The following KCNQ5 variants were observed in gnomAD, a reference collection of about 807,000 sequenced individuals.
KCNQ5 encodes potassium voltage-gated channel subfamily KQT member 5.
In KCNQ5, 30 loss-of-function variants were observed where a neutral mutation model predicts 98.2. The observed-to-expected ratio is 0.31, with a 90% CI of 0.23 to 0.41. KCNQ5 has a LOEUF of 0.41. KCNQ5 is among the 10% of genes least tolerant of loss of function. The pLI, the probability that KCNQ5 is intolerant of heterozygous loss-of-function variation, is 1.00. For synonymous variants in KCNQ5, 458 were observed against 449.4 expected (o/e 1.02, Z -0.24); for missense variants, 835 against 1,182.5 (o/e 0.71, Z 4.31).
chr6:72,661,513 A>ATT (rs1030884668), intron 1 of KCNQ5, among the ~76,000 whole-genome samples: 1 of 151,866 alleles, frequency 6.6e-6, no homozygotes, highest in Non-Finnish European at 1.5e-5. Flanking sequence ...TACATAGAAG[A>ATT]TTTTTTTTCC....
chr6:72,821,924 AG>A (rs1426266060), intron 1 of KCNQ5, among the ~76,000 whole-genome samples: 1 of 152,024 alleles, frequency 6.6e-6, no homozygotes, highest in African/African-American at 2.4e-5. Flanking sequence ...ACCAGGATCA[AG>A]GAGTTCGATC....
chr6:73,051,705 C>CAAAAAAAAAAAAAA (rs201199934), intron 3 of KCNQ5, among the ~76,000 whole-genome samples: 4 of 97,176 alleles, frequency 4.1e-5, no homozygotes, highest in African/African-American at 1.2e-4. Flanking sequence ...AAGATAGAGG[C>CAAAAAAAAAAAAAA]AAAAAAAAAA....
chr6:72,736,331 G>T (rs1770830571), intron 1 of KCNQ5, among the ~76,000 whole-genome samples: 1 of 151,856 alleles, frequency 6.6e-6, no homozygotes, highest in South Asian at 2.1e-4. Context: ...ATAATAAGGG[G>T]CATAATTGAG....
intron 3 of KCNQ5, among the ~76,000 whole-genome samples, chr6:73,076,111 C>T (rs1773529527): frequency 6.6e-6 from 1 of 152,186 alleles, no homozygotes; most frequent in Non-Finnish European, 1.5e-5. Context: ...CCCCCCCTCT[C>T]TCTCAAAGCA....
At chr6:72,771,250 G>T (rs1772859587) in intron 1 of KCNQ5, among the ~76,000 whole-genome samples, 1 of 152,020 alleles carries the variant, frequency 6.6e-6, no homozygotes, top group Admixed American at 6.6e-5. Context: ...GGCATTTAGG[G>T]CTCAGACAAG....
At position 72,663,826 on chromosome 6, in the gene KCNQ5, T is replaced by C. The variant is rs558416613; in HGVS notation, c.398+41239T>C. Among the ~76,000 whole-genome samples, 308 of 152,314 alleles carry C rather than the reference T, an allele frequency of 2.0e-3. 3 individuals carry two copies. The highest frequency in any genetic ancestry group is 7.1e-3 in the African/African-American group (296 of 41,566). The stretch of plus-strand genomic sequence containing the variant: ...TCTTTAAAAAAAAAAGTACTTCTAG[T>C]GTTCTCAACCATTCTTTATATGTGT... On this transcript the variant is annotated intron_variant, in intron 1 of 13. Transcript: ENST00000370398.
chr6:73,128,368 A>G (rs1776081936), intron 9 of KCNQ5, among the ~76,000 whole-genome samples: 1 of 152,356 alleles, frequency 6.6e-6, no homozygotes, highest in East Asian at 1.9e-4. Context: ...ATTAGTTGGA[A>G]AAGTCATTTT....
rs1170495932 is a variant in KCNQ5, at chr6:73,198,061, T to TA, written c.*2648dup. On this transcript the variant is annotated 3_prime_UTR_variant, in exon 14 of 14. Coordinates refer to ENST00000370398, the MANE Select transcript of KCNQ5 (RefSeq NM_019842.4). ...AGCTATAAGGTTCTGTCTGTCGTGTTACTCTCTGTGGAAATGAGAGGGGTC... is the reference window on the plus strand; with the variant it reads ...AGCTATAAGGTTCTGTCTGTCGTGTTAACTCTCTGTGGAAATGAGAGGGGTC... The TA allele has an allele frequency of 6.6e-6, 1 of 152,216 alleles. No homozygotes were observed. The highest frequency in any genetic ancestry group is 6.5e-5 in the Admixed American group (1 of 15,286). The allele number at this position is 152,216 out of a possible 1,614,324, so 9.4% of individuals were successfully genotyped here.
intron 1 of KCNQ5, among the ~76,000 whole-genome samples, chr6:72,636,746 C>G (rs533172611): frequency 4.6e-5 from 7 of 152,286 alleles, no homozygotes; most frequent in African/African-American, 1.7e-4. Flanking sequence ...TAAGACATAG[C>G]ATATTCCCTC....
chr6:72,833,358 TAAC>T (rs1382763832), intron 1 of KCNQ5, among the ~76,000 whole-genome samples: 1 of 152,176 alleles, frequency 6.6e-6, no homozygotes, highest in Non-Finnish European at 1.5e-5. Context: ...GGAACCATCA[TAAC>T]AACATTATTC....
At chr6:72,786,792 G>T (rs1276700885) in intron 1 of KCNQ5, among the ~76,000 whole-genome samples, 1 of 151,798 alleles carries the variant, frequency 6.6e-6, no homozygotes, top group African/African-American at 2.4e-5. Flanking sequence ...GGATCACGAG[G>T]TCAGGAGATT....
intron 1 of KCNQ5, among the ~76,000 whole-genome samples, chr6:72,738,827 C>T (rs1770982584): frequency 6.6e-6 from 1 of 152,054 alleles, no homozygotes; most frequent in African/African-American, 2.4e-5. Context: ...ATGATTCCAA[C>T]TATATGACAT....
chr6:72,806,716 A>G (rs933591961), intron 1 of KCNQ5: 4 of 396,518 alleles, frequency 1.0e-5, no homozygotes, highest in East Asian at 9.2e-5. Context: ...TGCATTTCCC[A>G]TATTTTGATT....
chr6:72,919,657 A>C (rs941384755), intron 1 of KCNQ5, among the ~76,000 whole-genome samples: 3 of 152,194 alleles, frequency 2.0e-5, no homozygotes, highest in Non-Finnish European at 2.9e-5. Flanking sequence ...TTTCTGAAAA[A>C]AAAATTAATC....
At chr6:72,680,373 C>T (rs1321539298) in intron 1 of KCNQ5, among the ~76,000 whole-genome samples, 1 of 152,140 alleles carries the variant, frequency 6.6e-6, no homozygotes, top group Non-Finnish European at 1.5e-5. Context: ...TTTCTTTTTA[C>T]TGCTAAATAA....
intron 1 of KCNQ5, among the ~76,000 whole-genome samples, chr6:72,851,691 A>G (rs1018685351): frequency 1.3e-5 from 2 of 152,128 alleles, no homozygotes; most frequent in African/African-American, 4.8e-5. Flanking sequence ...CTCTACATTC[A>G]TTTACATAAA....
intron 10 of KCNQ5, among the ~76,000 whole-genome samples, chr6:73,158,808 T>G (rs1320973471): frequency 1.3e-5 from 2 of 152,218 alleles, no homozygotes; most frequent in Non-Finnish European, 2.9e-5. Context: ...TTTCATATTT[T>G]AATTTCATTG....
intron 1 of KCNQ5, among the ~76,000 whole-genome samples, chr6:72,670,154 A>G (rs1767028162): frequency 6.6e-6 from 1 of 152,174 alleles, no homozygotes; most frequent in Non-Finnish European, 1.5e-5. Context: ...ACTTTATAAC[A>G]AGGATCAACT....
chr6:72,654,749 A>G (rs78313772), intron 1 of KCNQ5, among the ~76,000 whole-genome samples: 2,922 of 152,146 alleles, frequency 0.019, 76 homozygotes, highest in African/African-American at 0.065. Context: ...ATAAAGATAG[A>G]TTATTCTTGG....
Sources: allele counts gnomAD v4.1 joint callset (sites outside exome capture counted in the v4.1 genomes callset), GRCh38; gene constraint gnomAD v4.1.1; transcripts MANE v1.5; gene names NCBI Gene and HGNC (gene_info 2026-07-23, HGNC 2026-07-21).